COLEC12: variants seen among roughly 807,000 people sequenced by gnomAD.
COLEC12 encodes the protein collectin-12.
COLEC12 carries 33 observed loss-of-function variants against 71.1 expected under a neutral mutation model. The observed-to-expected ratio is 0.46, with a 90% CI of 0.35 to 0.62. COLEC12 has a LOEUF of 0.62. Ranked by LOEUF, COLEC12 falls within the 20% of genes least tolerant of loss-of-function variation. The pLI is 0.00. For synonymous variants in COLEC12, 350 were observed against 353.0 expected, an observed-to-expected ratio of 0.99 and a Z score of 0.10; for missense variants, 765 against 916.1, an observed-to-expected ratio of 0.84 and a Z score of 2.13.
chr18:393,153 A>G (rs188678226), intron 2 of COLEC12, among the ~76,000 whole-genome samples: 2 of 152,336 alleles, frequency 1.3e-5, no homozygotes, highest in East Asian at 1.9e-4. Flanking sequence ...ACTGAATTAC[A>G]CTTTGGCAAG....
chr18:363,897 C>T (rs540834181), intron 2 of COLEC12, among the ~76,000 whole-genome samples: 16 of 152,214 alleles, frequency 1.1e-4, no homozygotes, highest in African/African-American at 2.2e-4. Context: ...AGTTTCCTAA[C>T]GATGTGGATA....
chr18:482,382 G>A (rs111373740), intron 1 of COLEC12, among the ~76,000 whole-genome samples: 8 of 152,024 alleles, frequency 5.3e-5, no homozygotes, highest in Non-Finnish European at 1.2e-4. Context: ...CCAAAGTGCT[G>A]GGATTACAGG....
chr18:466,844 C>T (rs1217961539), intron 2 of COLEC12, among the ~76,000 whole-genome samples: 2 of 152,134 alleles, frequency 1.3e-5, no homozygotes, highest in Non-Finnish European at 2.9e-5. Context: ...GAGAACTGAA[C>T]AAGATGGCCT....
chr18:322,412 A>G (rs1025157570), intron 8 of COLEC12, among the ~76,000 whole-genome samples: 2 of 152,222 alleles, frequency 1.3e-5, no homozygotes, highest in African/African-American at 4.8e-5. Flanking sequence ...TAGTAACTTA[A>G]TCTTACTGAA....
intron 2 of COLEC12, among the ~76,000 whole-genome samples, chr18:381,693 C>T (rs2143562512): frequency 6.6e-6 from 1 of 152,262 alleles, no homozygotes; most frequent in Admixed American, 6.5e-5. Flanking sequence ...TTCACTAAAA[C>T]ATTACTTGTC....
At chr18:496,866 C>T (rs1917722247) in intron 1 of COLEC12, among the ~76,000 whole-genome samples, 1 of 152,092 alleles carries the variant, frequency 6.6e-6, no homozygotes, top group Admixed American at 6.6e-5. Context: ...AACCAATATC[C>T]CCAACTTTAA....
At chr18:490,193 GA>G (rs1164398594) in intron 1 of COLEC12, among the ~76,000 whole-genome samples, 2 of 152,240 alleles carry the variant, frequency 1.3e-5, no homozygotes, top group Non-Finnish European at 2.9e-5. Context: ...TGGAGAGAGA[GA>G]ATCACTGGAG....
At chr18:368,595 T>A (rs995997627) in intron 2 of COLEC12, among the ~76,000 whole-genome samples, 3 of 151,378 alleles carry the variant, frequency 2.0e-5, no homozygotes, top group Non-Finnish European at 4.4e-5. Context: ...CCGGGCGCGG[T>A]GGCTCAGGCC....
chr18:325,586 C>CT (rs1301211575), intron 8 of COLEC12, among the ~76,000 whole-genome samples: 5 of 141,482 alleles, frequency 3.5e-5, no homozygotes, highest in African/African-American at 1.3e-4. Context: ...CAATCACATG[C>CT]TTACACCTAT....
At chr18:469,990 C>T (rs904958440) in intron 2 of COLEC12, among the ~76,000 whole-genome samples, 2 of 152,124 alleles carry the variant, frequency 1.3e-5, no homozygotes, top group South Asian at 2.1e-4. Context: ...CTTTGTACCA[C>T]AGTTCATGGC....
At chr18:331,037 A>G (rs553106824) in intron 8 of COLEC12, among the ~76,000 whole-genome samples, 1 of 151,006 alleles carries the variant, frequency 6.6e-6, no homozygotes, top group Non-Finnish European at 1.5e-5. Flanking sequence ...GCGCCACCAT[A>G]TCCGGCTAAT....
chr18:476,245 T>G (rs909005157), intron 2 of COLEC12, among the ~76,000 whole-genome samples: 1 of 152,252 alleles, frequency 6.6e-6, no homozygotes, highest in Admixed American at 6.5e-5. Flanking sequence ...ATCTACTCCA[T>G]AGAGAATGCT....
At chr18:435,584 G>C (rs1477122104) in intron 2 of COLEC12, among the ~76,000 whole-genome samples, 1 of 128,150 alleles carries the variant, frequency 7.8e-6, no homozygotes, top group Non-Finnish European at 1.7e-5. Flanking sequence ...AACCATATCA[G>C]AAGTTAAATC....
intron 2 of COLEC12, among the ~76,000 whole-genome samples, chr18:358,751 T>A (rs1914681393): frequency 6.6e-6 from 1 of 152,206 alleles, no homozygotes; most frequent in African/African-American, 2.4e-5. Flanking sequence ...ACACCTAGGC[T>A]ACATGGTATG....
At chr18:371,762 G>A (rs1421532931) in intron 2 of COLEC12, among the ~76,000 whole-genome samples, 1 of 152,176 alleles carries the variant, frequency 6.6e-6, no homozygotes, top group Non-Finnish European at 1.5e-5. Context: ...AGCTGCGAGA[G>A]CCTGAGGCAA....
chr18:363,017 CAAGT>C (rs1254338256), intron 2 of COLEC12, among the ~76,000 whole-genome samples: 1 of 151,854 alleles, frequency 6.6e-6, no homozygotes, highest in Non-Finnish European at 1.5e-5. Flanking sequence ...CAACACATTT[CAAGT>C]AAGAAGCTGG....
chr18:415,800 G>C (rs1412769467), intron 2 of COLEC12, among the ~76,000 whole-genome samples: 2 of 152,048 alleles, frequency 1.3e-5, no homozygotes, highest in Non-Finnish European at 2.9e-5. Flanking sequence ...TAAGAGAAGT[G>C]GAAAAAATAG....
At chr18:359,023 G>T (rs954100202) in intron 2 of COLEC12, among the ~76,000 whole-genome samples, 2 of 130,752 alleles carry the variant, frequency 1.5e-5, no homozygotes, top group African/African-American at 6.1e-5. Context: ...AAAAATCTCT[G>T]TATGACAAAA....
chr18:412,221 A>T (rs1245900804), intron 2 of COLEC12, among the ~76,000 whole-genome samples: 1 of 152,200 alleles, frequency 6.6e-6, no homozygotes, highest in African/African-American at 2.4e-5. Flanking sequence ...GCAGCAAGAT[A>T]AAAAAACACC....
Sources: gnomAD v4.1 joint callset for allele counts (sites outside exome capture counted in the v4.1 genomes callset) on GRCh38, gnomAD v4.1.1 for gene constraint, MANE v1.5 for transcripts, NCBI Gene and HGNC (gene_info 2026-07-23, HGNC 2026-07-21) for gene names.